ACSL1: variants seen among roughly 807,000 people sequenced by gnomAD.
ACSL1 encodes acyl-CoA synthetase long chain family member 1.
ACSL1 carries 41 observed loss-of-function variants against 98.4 expected under a neutral mutation model. The observed-to-expected ratio is 0.42, with a 90% confidence interval of 0.32 to 0.54. ACSL1 has a LOEUF of 0.54. Among genes scored for constraint, ACSL1 ranks in the 20% least tolerant of loss-of-function variants. The pLI is 0.13. For missense variants in ACSL1, 734 were observed against 883.1 expected, an observed-to-expected ratio of 0.83 and a Z score of 2.14; for synonymous variants, 316 against 322.7, an observed-to-expected ratio of 0.98 and a Z score of 0.22.
intron 2 of ACSL1, among the ~76,000 whole-genome samples, chr4:184,791,636 G>C (rs1407831266): frequency 6.6e-6 from 1 of 152,154 alleles, no homozygotes; most frequent in Non-Finnish European, 1.5e-5. Flanking sequence ...ATGGGCTAAT[G>C]GGTTAGAAAG....
chr4:184,762,428 C>T lies in ACSL1; in HGVS notation c.1617G>A (p.Gly539=). The T allele has an allele frequency of 6.2e-7, 1 of 1,614,158 alleles. No individual in the cohort carries two copies. The highest frequency in any genetic ancestry group is 8.5e-7 in the Non-Finnish European group (1 of 1,180,006). ...ALDKDGWLHT[G]DIGKWLPNGT... ...TTACTGGTAACCATTTTCCAATGTCCCCTGTGTGTAACCAGCCGTCTTTGT... is the reference window on the plus strand; with the variant it reads ...TTACTGGTAACCATTTTCCAATGTCTCCTGTGTGTAACCAGCCGTCTTTGT... The change falls in exon 17 of 21, where the codon GGG becomes GGA. Residue 539 remains glycine, a synonymous_variant. Coordinates refer to ENST00000281455, the MANE Select transcript of ACSL1 (RefSeq NM_001995.5).
intron 11 of ACSL1, 66 bp from the exon 12 acceptor site, chr4:184,768,516 A>T (rs1763980466): frequency 6.5e-7 from 1 of 1,532,728 alleles, no homozygotes; most frequent in East Asian, 2.5e-5. Context: ...CATATGGACA[A>T]CATCCAACAT....
chr4:184,783,111 C>T (rs192268104), intron 4 of ACSL1, among the ~76,000 whole-genome samples: 3 of 152,158 alleles, frequency 2.0e-5, no homozygotes, highest in African/African-American at 4.8e-5. Context: ...GTCTGGAGCA[C>T]GTGCCTGTTC....
Position 184,764,899 on chromosome 4 carries a change from CTCTG to C in ACSL1, c.1382_1385del (p.Thr461SerfsTer8). The C allele has an allele frequency of 1.2e-6, 2 of 1,614,066 alleles. No homozygotes were observed. Among genetic ancestry groups the C allele is most frequent in the Non-Finnish European group, 1.7e-6 (2 of 1,179,964 alleles). On this transcript the variant is annotated frameshift_variant, in exon 15 of 21. Coordinates refer to ENST00000281455, the MANE Select transcript of ACSL1 (RefSeq NM_001995.5). LOFTEE classifies it high-confidence loss of function. ...TGGTCAGGCAGCACCCGGCAGTGCACTCTGTCTGTCCGTATCCTTCATAAAACTG... is the reference window on the plus strand; with the variant it reads ...TGGTCAGGCAGCACCCGGCAGTGCACTCTGTCCGTATCCTTCATAAAACTG...
At chr4:184,826,013 G>T (rs1022507730), upstream of ACSL1, 7 of 147,886 alleles carry the variant, frequency 4.7e-5, no homozygotes, top group African/African-American at 1.7e-4. Context: ...CGCTGGCGCC[G>T]CCGCCTCGGC....
At position 184,757,570 on chromosome 4, in the gene ACSL1, C is replaced by A; in HGVS notation, c.1956+65G>T. On this transcript the variant is annotated intron_variant, in intron 20 of 20. Coordinates refer to ENST00000281455, the MANE Select transcript of ACSL1 (RefSeq NM_001995.5). The surrounding 1 kb of genome is among the most constrained non-coding windows in gnomAD (Gnocchi z 4.5). ...CACCCCATATGTTTATATAATCTAC[C>A]TGTAAAAAAATCTTAATGGAAAATT... 1 of 1,458,090 alleles carries A rather than the reference C, an allele frequency of 6.9e-7. No individual in the cohort carries two copies. 90.3% of individuals were successfully genotyped at this position (1,458,090 alleles called of 1,614,324 possible). A position where few individuals can be genotyped will look rare whatever the true frequency, so the allele number is the denominator to read the frequency against.
At chr4:184,778,270 C>A (rs1238052964) in intron 5 of ACSL1, among the ~76,000 whole-genome samples, 4 of 152,306 alleles carry the variant, frequency 2.6e-5, no homozygotes, top group South Asian at 2.1e-4. Flanking sequence ...CAGAAAAAGG[C>A]ACAGCCGGGG....
chr4:184,786,418 G>GCACACACACA (rs61564967), intron 3 of ACSL1, among the ~76,000 whole-genome samples: 3 of 138,844 alleles, frequency 2.2e-5, no homozygotes, highest in African/African-American at 7.8e-5. Flanking sequence ...TGGTGGCAAA[G>GCACACACACA]CACACACACA....
At chr4:184,815,325 C>CGCATTGTAAG (rs1561248424) in intron 1 of ACSL1, among the ~76,000 whole-genome samples, 1 of 152,126 alleles carries the variant, frequency 6.6e-6, no homozygotes, top group African/African-American at 2.4e-5. Context: ...GACTCGCAGC[C>CGCATTGTAAG]GCATTGTAAG....
At chr4:184,778,169 A>T (rs1765609760) in intron 5 of ACSL1, among the ~76,000 whole-genome samples, 1 of 152,160 alleles carries the variant, frequency 6.6e-6, no homozygotes, top group Non-Finnish European at 1.5e-5. Context: ...AAGGTGAAAG[A>T]TCACTCTTTC....
intron 7 of ACSL1, among the ~76,000 whole-genome samples, chr4:184,774,430 AT>A (rs1764977979): frequency 6.6e-6 from 1 of 152,104 alleles, no homozygotes; most frequent in Admixed American, 6.5e-5. Context: ...TAGAGTGGAG[AT>A]AGGATTTGGG....
At chr4:184,807,594 G>A (rs1475429805) in intron 1 of ACSL1, among the ~76,000 whole-genome samples, 1 of 152,186 alleles carries the variant, frequency 6.6e-6, no homozygotes, top group African/African-American at 2.4e-5. Flanking sequence ...AAATAGACCT[G>A]GGCAGAGACA....
chr4:184,816,539 T>C (rs904452111), intron 1 of ACSL1, among the ~76,000 whole-genome samples: 5 of 152,108 alleles, frequency 3.3e-5, no homozygotes, highest in African/African-American at 9.7e-5. Flanking sequence ...TCGGAATGGG[T>C]GATACTAGTT....
intron 1 of ACSL1, among the ~76,000 whole-genome samples, chr4:184,814,622 TC>T (rs1347003559): frequency 1.3e-5 from 2 of 152,184 alleles, no homozygotes; most frequent in Non-Finnish European, 2.9e-5. Context: ...AAACTTGCCA[TC>T]CTAACTATTA....
intron 2 of ACSL1, among the ~76,000 whole-genome samples, chr4:184,790,930 G>C (rs1268526695): frequency 6.6e-6 from 1 of 152,118 alleles, no homozygotes; most frequent in East Asian, 1.9e-4. Flanking sequence ...CAAACACACC[G>C]AAGGCACCAA....
chr4:184,819,061 C>T (rs6832247), intron 1 of ACSL1, among the ~76,000 whole-genome samples: 7,185 of 151,896 alleles, frequency 0.047, 564 homozygotes, highest in African/African-American at 0.16. Context: ...AGGAAAAGTG[C>T]CTCTGAGGAG....
intron 14 of ACSL1, 128 bp from the exon 15 acceptor site, chr4:184,765,053 C>A: frequency 1.1e-6 from 1 of 917,216 alleles, no homozygotes; most frequent in South Asian, 1.7e-5. Context: ...TTCAAATGGT[C>A]TGTTCAGTAA....
intron 1 of ACSL1, chr4:184,815,146 G>A (rs779414979): frequency 1.8e-5 from 8 of 455,348 alleles, no homozygotes; most frequent in Non-Finnish European, 2.7e-5. Context: ...AAAACAGTAC[G>A]CATGCACCAG....
Position 184,757,375 on chromosome 4 carries a change from C to T in ACSL1, c.1957-110G>A, listed in dbSNP as rs943569844. 7.3e-7 allele frequency: 1 copy of T among 1,365,588 alleles called. No individual in the cohort carries two copies. Among genetic ancestry groups the T allele is most frequent in the Non-Finnish European group, 9.9e-7 (1 of 1,014,546 alleles). The allele number at this position is 1,365,588 out of a possible 1,614,324, so 84.6% of individuals were successfully genotyped here. A position where few individuals can be genotyped will look rare whatever the true frequency, so the allele number is the denominator to read the frequency against. On this transcript the variant is annotated intron_variant, in intron 20 of 20. Coordinates refer to ENST00000281455, the MANE Select transcript of ACSL1 (RefSeq NM_001995.5). The surrounding 1 kb of genome is among the most constrained non-coding windows in gnomAD (Gnocchi z 4.5). Reference sequence around the variant, plus strand: ...ACTCTCCAGCCATCCAATCCATCCTCTCATTTCAGCCAAGCTGCACCTTCT... The same window carrying T: ...ACTCTCCAGCCATCCAATCCATCCTTTCATTTCAGCCAAGCTGCACCTTCT...
Sources: allele counts gnomAD v4.1 joint callset (sites outside exome capture counted in the v4.1 genomes callset), GRCh38; gene constraint gnomAD v4.1.1; non-coding constraint Gnocchi (gnomAD v3.1); transcripts MANE v1.5; gene names NCBI Gene and HGNC (gene_info 2026-07-23, HGNC 2026-07-21).